Variants in GMDS observed in about 807,000 individuals in gnomAD.
GMDS encodes GDP-mannose 4,6 dehydratase.
GMDS carries 20 observed loss-of-function variants against 49.9 expected under a neutral mutation model. The ratio of observed to expected loss-of-function variants is 0.40; its 90% CI spans 0.28 to 0.58. GMDS has a LOEUF of 0.58. Ranked by LOEUF, GMDS falls within the 20% of genes least tolerant of loss-of-function variation. GMDS has a pLI of 0.42. For synonymous variants in GMDS, 177 were observed against 178.6 expected, an observed-to-expected ratio of 0.99 and a Z score of 0.07; for missense variants, 362 against 481.4, an observed-to-expected ratio of 0.75 and a Z score of 2.32.
chr6:2,160,355 T>C (rs1777333642), intron 1 of GMDS, among the ~76,000 whole-genome samples: 1 of 152,206 alleles, frequency 6.6e-6, no homozygotes, highest in Non-Finnish European at 1.5e-5. Flanking sequence ...CATTTAATCT[T>C]CACTAAGATA....
intron 4 of GMDS, among the ~76,000 whole-genome samples, chr6:2,033,316 T>A (rs1176268948): frequency 6.6e-6 from 1 of 152,232 alleles, no homozygotes; most frequent in East Asian, 1.9e-4. Flanking sequence ...TATCATGTTA[T>A]ACTGCTCTTA....
In GMDS at chr6:2,123,649, G is replaced by A. The variant is rs184039191; in HGVS notation, c.147+1038C>T. On this transcript the variant is annotated intron_variant, in intron 2 of 10. Transcript: ENST00000380815. Reference sequence around the variant, plus strand: ...AACCTACTCTAAAACTCTCTGCTCCGTAGAATATGCATTTCTTTCTCGATT... The same window carrying A: ...AACCTACTCTAAAACTCTCTGCTCCATAGAATATGCATTTCTTTCTCGATT... Among the ~76,000 whole-genome samples the A allele has an allele frequency of 4.0e-3, 613 of 152,278 alleles. 1 individual carries two copies. Among genetic ancestry groups the A allele is most frequent in the Middle Eastern group, 0.01 (3 of 294 alleles).
At chr6:1,690,060 G>C (rs900171271) in intron 9 of GMDS, among the ~76,000 whole-genome samples, 1 of 152,086 alleles carries the variant, frequency 6.6e-6, no homozygotes, top group Non-Finnish European at 1.5e-5. Flanking sequence ...AACCGAGATC[G>C]CATCACTGCA....
chr6:2,039,624 A>G lies in GMDS; in HGVS notation c.345+76147T>C, dbSNP rs555746443. ...TTTTGTTAGAAATGAAGACACGAGC[A>G]CACACATTACCCTAGGCTTACATAG... On this transcript the variant is annotated intron_variant, in intron 4 of 10. Coordinates refer to ENST00000380815, the MANE Select transcript of GMDS (RefSeq NM_001500.4). Among the ~76,000 whole-genome samples, 6 of 152,156 alleles carry G rather than the reference A, an allele frequency of 3.9e-5. No individual in the cohort carries two copies. In the South Asian group the frequency reaches 1.2e-3, roughly 32 times the overall value.
chr6:1,651,517 C>T (rs1763652248), intron 9 of GMDS, among the ~76,000 whole-genome samples: 1 of 152,224 alleles, frequency 6.6e-6, no homozygotes, highest in South Asian at 2.1e-4. Flanking sequence ...GGCACACCCT[C>T]CTTTAACTAG....
intron 1 of GMDS, among the ~76,000 whole-genome samples, chr6:2,232,944 G>A (rs1340933861): frequency 6.6e-6 from 1 of 152,158 alleles, no homozygotes; most frequent in African/African-American, 2.4e-5. Flanking sequence ...TAAGGCAAAG[G>A]GAAAAACATA....
intron 9 of GMDS, among the ~76,000 whole-genome samples, chr6:1,653,402 C>T (rs1422099193): frequency 6.6e-6 from 1 of 152,174 alleles, no homozygotes; most frequent in Admixed American, 6.5e-5. Context: ...AGTGCAATCC[C>T]TATCAAAATC....
In GMDS at chr6:2,146,493, A is replaced by G. The variant is rs116166169; in HGVS notation, c.103-21762T>C. On this transcript the variant is annotated intron_variant, in intron 1 of 10. Transcript: ENST00000380815. ...TGGGCATTTTGAGTCTCCGGCATTA[A>G]CAAAATACTCACAGACAGGAATTAT... Among the ~76,000 whole-genome samples, 866 of 152,306 alleles carry G rather than the reference A, an allele frequency of 5.7e-3. 2 individuals are homozygous for G. The highest frequency in any genetic ancestry group is 0.017 in the Middle Eastern group (5 of 294).
rs1781835303 is a variant in GMDS at position 2,245,593 on chromosome 6, G to GT, written c.-172_-171insA. 1 of 389,416 alleles carries GT rather than the reference G, an allele frequency of 2.6e-6. No homozygotes were observed. The highest frequency in any genetic ancestry group is 4.5e-6 in the Non-Finnish European group (1 of 222,988). The allele number at this position is 389,416 out of a possible 1,614,324, so 24.1% of individuals were successfully genotyped here. A position where few individuals can be genotyped will look rare whatever the true frequency, so the allele number is the denominator to read the frequency against. Reference sequence around the variant, plus strand: ...ACAGTCTGACAGGGGCGCACGGGAGGCCGTGCAGGGAGGGCCGGGGGCGGG... The same window carrying GT: ...ACAGTCTGACAGGGGCGCACGGGAGGTCCGTGCAGGGAGGGCCGGGGGCGGG... On this transcript the variant is annotated 5_prime_UTR_variant, in exon 1 of 11. Coordinates refer to ENST00000380815, the MANE Select transcript of GMDS (RefSeq NM_001500.4).
At chr6:2,245,208 G>C (rs1344103366) in intron 1 of GMDS, 113 bp downstream of exon 1, 5 of 735,850 alleles carry the variant, frequency 6.8e-6, no homozygotes, top group Admixed American at 2.2e-5. Flanking sequence ...GACCCCTTCC[G>C]GGACGCCGAG....
intron 4 of GMDS, among the ~76,000 whole-genome samples, chr6:2,084,483 A>C (rs1407971803): frequency 2.0e-5 from 3 of 152,134 alleles, no homozygotes; most frequent in African/African-American, 7.2e-5. Flanking sequence ...AAGCAGCTCT[A>C]ATAAAATAAT....
chr6:1,758,460 T>C (rs1019797470), intron 7 of GMDS, among the ~76,000 whole-genome samples: 1 of 152,200 alleles, frequency 6.6e-6, no homozygotes, highest in Non-Finnish European at 1.5e-5. Context: ...AGTAAACACC[T>C]GAGAAACCCT....
At chr6:2,027,734 T>C (rs1052086186) in intron 4 of GMDS, among the ~76,000 whole-genome samples, 5 of 152,190 alleles carry the variant, frequency 3.3e-5, no homozygotes, top group Non-Finnish European at 5.9e-5. Context: ...CAAGAAGCCA[T>C]AAATTTACAT....
intron 1 of GMDS, among the ~76,000 whole-genome samples, chr6:2,130,103 T>C (rs1775651296): frequency 6.6e-6 from 1 of 152,090 alleles, no homozygotes; most frequent in Non-Finnish European, 1.5e-5. Flanking sequence ...CGGGGAAATA[T>C]CTAAAATGAA....
chr6:1,990,672 T>TA (rs1765877885), intron 4 of GMDS, among the ~76,000 whole-genome samples: 1 of 151,906 alleles, frequency 6.6e-6, no homozygotes, highest in Non-Finnish European at 1.5e-5. Flanking sequence ...CCTCCCAGGC[T>TA]AAAGCAATCC....
intron 4 of GMDS, among the ~76,000 whole-genome samples, chr6:2,024,321 A>C (rs1485363014): frequency 6.6e-6 from 1 of 152,174 alleles, no homozygotes; most frequent in Non-Finnish European, 1.5e-5. Flanking sequence ...TCAAGAAGGA[A>C]GATGAACTCA....
chr6:1,708,681 A>G (rs1384217508), intron 9 of GMDS, among the ~76,000 whole-genome samples: 1 of 152,248 alleles, frequency 6.6e-6, no homozygotes, highest in Non-Finnish European at 1.5e-5. Flanking sequence ...GTCTATTCTA[A>G]GAACTCCAAG....
chr6:1,880,327 G>A (rs4959616), intron 7 of GMDS, among the ~76,000 whole-genome samples: 46,907 of 147,492 alleles, frequency 0.32, 7,477 homozygotes, highest in Middle Eastern at 0.37. Flanking sequence ...GTGTGGTGGT[G>A]CACGTTTGTT....
At chr6:2,102,634 G>A (rs1773990154) in intron 4 of GMDS, among the ~76,000 whole-genome samples, 1 of 152,146 alleles carries the variant, frequency 6.6e-6, no homozygotes, top group Non-Finnish European at 1.5e-5. Context: ...GGCTAAAAGT[G>A]TAAAAGAAAA....
Sources: gnomAD v4.1 joint callset for allele counts (sites outside exome capture counted in the v4.1 genomes callset) on GRCh38, gnomAD v4.1.1 for gene constraint, MANE v1.5 for transcripts, NCBI Gene and HGNC (gene_info 2026-07-23, HGNC 2026-07-21) for gene names.